FHIT: variants seen among roughly 807,000 people sequenced by gnomAD.
FHIT encodes fragile histidine triad diadenosine triphosphatase, also known as bis(5'-adenosyl)-triphosphatase.
FHIT carries 19 observed loss-of-function variants against 17.9 expected under a neutral mutation model. The observed-to-expected ratio is 1.06, with a 90% confidence interval of 0.74 to 1.56. FHIT has a LOEUF of 1.56. Among genes scored for constraint, FHIT ranks in the 40% most tolerant of loss-of-function variants. The pLI, the probability that FHIT is intolerant of heterozygous loss-of-function variation, is 0.00. For missense variants in FHIT, 248 were observed against 189.2 expected, an observed-to-expected ratio of 1.31 and a Z score of -1.82; for synonymous variants, 81 against 69.7, an observed-to-expected ratio of 1.16 and a Z score of -0.81.
At chr3:60,567,369 T>G (rs1329275595) in intron 4 of FHIT, among the ~76,000 whole-genome samples, 3 of 152,224 alleles carry the variant, frequency 2.0e-5, no homozygotes, top group East Asian at 3.8e-4. Flanking sequence ...GATTCTCTAT[T>G]TAATAAATGG....
intron 4 of FHIT, among the ~76,000 whole-genome samples, chr3:60,733,874 G>T (rs559093821): frequency 6.6e-6 from 1 of 152,246 alleles, no homozygotes; most frequent in Non-Finnish European, 1.5e-5. Context: ...TCCTAGTCTT[G>T]CTAGGATAGA....
rs540483098 is a variant in FHIT, at chr3:59,755,137, A to G, written c.349-2816T>C. On this transcript the variant is annotated intron_variant, in intron 8 of 9. Coordinates refer to ENST00000492590, the MANE Select transcript of FHIT (RefSeq NM_002012.4). ...CTTGCCTTTAAGCACATTGCTTGTG[A>G]TCCTATCAACAGTACTACTGCTGTC... Among the ~76,000 whole-genome samples the G allele has an allele frequency of 4.4e-5, 5 of 113,714 alleles. No homozygotes were observed. In the South Asian group the frequency reaches 1.6e-3, roughly 37 times the overall value. The allele number at this position is 113,714 out of a possible 152,430, so 74.6% of individuals were successfully genotyped here.
intron 5 of FHIT, among the ~76,000 whole-genome samples, chr3:60,124,043 G>GACAGAGAC (rs1559653942): frequency 6.9e-5 from 8 of 115,508 alleles, no homozygotes; most frequent in African/African-American, 2.7e-4. Context: ...GAGAGAGAGA[G>GACAGAGAC]AGAGAGAGAG....
At chr3:60,430,709 C>T (rs1397256050) in intron 5 of FHIT, among the ~76,000 whole-genome samples, 1 of 152,050 alleles carries the variant, frequency 6.6e-6, no homozygotes, top group Non-Finnish European at 1.5e-5. Context: ...AGATAACAGT[C>T]ACCAACTTCT....
At chr3:60,069,952 G>A (rs920625835) in intron 5 of FHIT, among the ~76,000 whole-genome samples, 5 of 152,098 alleles carry the variant, frequency 3.3e-5, no homozygotes, top group African/African-American at 9.7e-5. Flanking sequence ...CTCTTTACTC[G>A]CTCAAGTTTT....
intron 8 of FHIT, among the ~76,000 whole-genome samples, chr3:59,829,324 T>C (rs1302275441): frequency 6.6e-6 from 1 of 152,160 alleles, no homozygotes; most frequent in East Asian, 1.9e-4. Context: ...TTAAGGGAGG[T>C]TAAACATGAG....
intron 7 of FHIT, among the ~76,000 whole-genome samples, chr3:59,999,380 C>T (rs1244102578): frequency 6.6e-6 from 1 of 152,074 alleles, no homozygotes; most frequent in Non-Finnish European, 1.5e-5. Context: ...TAGAGGGAAC[C>T]TATTGGAAGT....
intron 5 of FHIT, among the ~76,000 whole-genome samples, chr3:60,234,223 AT>A (rs1328957833): frequency 6.6e-6 from 1 of 152,198 alleles, no homozygotes; most frequent in African/African-American, 2.4e-5. Context: ...ACAACAAAAA[AT>A]AATAATAATT....
At chr3:60,445,788 C>CAAA (rs36014753) in intron 5 of FHIT, among the ~76,000 whole-genome samples, 2 of 143,006 alleles carry the variant, frequency 1.4e-5, no homozygotes, top group Non-Finnish European at 3.1e-5. Flanking sequence ...AACTTTAAAG[C>CAAA]AAAAAAAAAA....
chr3:60,890,513 T>C (rs1051092799), intron 3 of FHIT, among the ~76,000 whole-genome samples: 2 of 152,194 alleles, frequency 1.3e-5, no homozygotes, highest in East Asian at 3.8e-4. Context: ...AGGTAGTCTA[T>C]TACACAGCAA....
chr3:60,304,293 G>C (rs1465473760), intron 5 of FHIT, among the ~76,000 whole-genome samples: 1 of 152,042 alleles, frequency 6.6e-6, no homozygotes, highest in Non-Finnish European at 1.5e-5. Context: ...AACAATTGCT[G>C]CCAATTGCAT....
chr3:60,924,438 A>G (rs943176654), intron 3 of FHIT, among the ~76,000 whole-genome samples: 50 of 152,184 alleles, frequency 3.3e-4, no homozygotes, highest in Non-Finnish European at 6.5e-4. Flanking sequence ...GGTGAAACAC[A>G]GGCAAACAGG....
At chr3:60,174,392 T>C (rs928995010) in intron 5 of FHIT, among the ~76,000 whole-genome samples, 1 of 152,164 alleles carries the variant, frequency 6.6e-6, no homozygotes, top group Non-Finnish European at 1.5e-5. Context: ...TCTGTCTTGA[T>C]ATGCTCCTGG....
rs575177485 is a variant in FHIT at position 60,205,051 on chromosome 3, G to A, written c.104-190899C>T. Among the ~76,000 whole-genome samples the A allele has an allele frequency of 6.0e-5, 9 of 150,726 alleles. No individual in the cohort carries two copies. The South Asian group carries it at 6.3e-4, about 11-fold the overall frequency. Reference sequence around the variant, plus strand: ...GCAGAGGTTACAGCGAGCCAATATCGCGCCACTGCTCTCCAGCTTGGGTGA... The same window carrying A: ...GCAGAGGTTACAGCGAGCCAATATCACGCCACTGCTCTCCAGCTTGGGTGA... On this transcript the variant is annotated intron_variant, in intron 5 of 9. Transcript: ENST00000492590.
chr3:61,147,006 G>A (rs1164698531), intron 2 of FHIT, among the ~76,000 whole-genome samples: 1 of 151,894 alleles, frequency 6.6e-6, no homozygotes, highest in Non-Finnish European at 1.5e-5. Flanking sequence ...CCACCCAGTG[G>A]AAATAAATCC....
intron 4 of FHIT, among the ~76,000 whole-genome samples, chr3:60,549,886 A>T (rs972108171): frequency 1.3e-5 from 2 of 152,198 alleles, no homozygotes; most frequent in African/African-American, 4.8e-5. Flanking sequence ...TCACTGTAAA[A>T]AATAATCTGC....
At chr3:61,014,007 G>A (rs1263531788) in intron 3 of FHIT, among the ~76,000 whole-genome samples, 3 of 152,128 alleles carry the variant, frequency 2.0e-5, no homozygotes, top group Non-Finnish European at 2.9e-5. Context: ...TTGAGGAGGG[G>A]CAAGAGACGG....
At chr3:59,817,562 TAAA>T (rs10691937) in intron 8 of FHIT, among the ~76,000 whole-genome samples, 5 of 93,934 alleles carry the variant, frequency 5.3e-5, no homozygotes, top group South Asian at 4.1e-4. Flanking sequence ...CACCCGTCAC[TAAA>T]AAAAAAAAAA....
At chr3:60,396,062 T>C (rs964832374) in intron 5 of FHIT, among the ~76,000 whole-genome samples, 1 of 152,048 alleles carries the variant, frequency 6.6e-6, no homozygotes, top group Non-Finnish European at 1.5e-5. Flanking sequence ...CCACACTAGC[T>C]GGGGCTGATA....
Sources: allele counts gnomAD v4.1 joint callset (sites outside exome capture counted in the v4.1 genomes callset), GRCh38; gene constraint gnomAD v4.1.1; transcripts MANE v1.5; gene names NCBI Gene and HGNC (gene_info 2026-07-23, HGNC 2026-07-21).